The following STX8 variants were observed in gnomAD, a reference collection of about 807,000 sequenced individuals.
The protein encoded by STX8 is syntaxin 8, also known as syntaxin-8.
In STX8, 23 loss-of-function variants were observed where a neutral mutation model predicts 37.5. The ratio of observed to expected loss-of-function variants is 0.61; its 90% CI spans 0.44 to 0.87. STX8 has a LOEUF of 0.87. Among genes scored for constraint, STX8 ranks in the 40% least tolerant of loss-of-function variants. STX8 has a pLI of 0.00. For missense variants in STX8, 313 were observed against 284.7 expected (o/e 1.10, Z -0.71); for synonymous variants, 115 against 99.1 (o/e 1.16, Z -0.95).
At chr17:9,500,762 G>A (rs577460338) in intron 5 of STX8, among the ~76,000 whole-genome samples, 45 of 152,304 alleles carry the variant, frequency 3.0e-4, no homozygotes, top group African/African-American at 1.0e-3. Context: ...CAGCACTTTG[G>A]GAGGCCGAGG....
chr17:9,254,069 T>C (rs116881788), intron 7 of STX8, among the ~76,000 whole-genome samples: 32 of 152,238 alleles, frequency 2.1e-4, no homozygotes, highest in Non-Finnish European at 3.4e-4. Context: ...TCAGGTCACC[T>C]CCTTGCTTAA....
At chr17:9,258,640 C>T (rs932407197) in intron 7 of STX8, among the ~76,000 whole-genome samples, 3 of 152,214 alleles carry the variant, frequency 2.0e-5, no homozygotes, top group Non-Finnish European at 4.4e-5. Context: ...TAATTTCCGC[C>T]GAATAATGCT....
chr17:9,387,539 C>G (rs112214627), intron 6 of STX8, among the ~76,000 whole-genome samples: 2 of 152,146 alleles, frequency 1.3e-5, no homozygotes, highest in African/African-American at 4.8e-5. Context: ...ATGATCCGCC[C>G]GCCTTGGCCT....
intron 7 of STX8, among the ~76,000 whole-genome samples, chr17:9,310,176 C>CA (rs1159559886): frequency 6.6e-6 from 1 of 151,958 alleles, no homozygotes; most frequent in Non-Finnish European, 1.5e-5. Context: ...AACACACACA[C>CA]AAAAAAACAG....
chr17:9,347,644 G>T (rs974562549), intron 7 of STX8, among the ~76,000 whole-genome samples: 1 of 152,180 alleles, frequency 6.6e-6, no homozygotes, highest in Non-Finnish European at 1.5e-5. Context: ...AGCCTCCCAA[G>T]TAGCTGGGAT....
chr17:9,460,471 A>C (rs1168869429), intron 6 of STX8, among the ~76,000 whole-genome samples: 2 of 152,150 alleles, frequency 1.3e-5, no homozygotes, highest in East Asian at 3.9e-4. Flanking sequence ...TCAGGAATTC[A>C]AGACCAGCTT....
Position 9,284,588 on chromosome 17 carries a change from T to G in STX8, c.644-33943A>C, listed in dbSNP as rs557745333. 3.9e-5 allele frequency among the ~76,000 whole-genome samples: 6 copies of G among 152,302 alleles called. No homozygotes were observed. The South Asian group carries it at 1.2e-3, about 32-fold the overall frequency. On this transcript the variant is annotated intron_variant, in intron 7 of 7. Transcript: ENST00000306357. Reference sequence around the variant, plus strand: ...GAAGATATGAGCAATGACAGTTGTTTAAAAAATTTTTTTTCTTTAAAAGTG... The same window carrying G: ...GAAGATATGAGCAATGACAGTTGTTGAAAAAATTTTTTTTCTTTAAAAGTG...
intron 4 of STX8, among the ~76,000 whole-genome samples, chr17:9,533,140 A>T (rs984337529): frequency 6.6e-6 from 1 of 152,248 alleles, no homozygotes; most frequent in Admixed American, 6.5e-5. Context: ...AGAAGAAACC[A>T]GCTCTATGAA....
intron 7 of STX8, among the ~76,000 whole-genome samples, chr17:9,345,398 C>A (rs974896007): frequency 1.3e-5 from 2 of 152,162 alleles, no homozygotes; most frequent in Non-Finnish European, 2.9e-5. Context: ...GATCCGCCTG[C>A]CTCGGCCTCC....
rs141068639 is a variant in STX8 at position 9,254,162 on chromosome 17, C to T, written c.644-3517G>A. Among the ~76,000 whole-genome samples the T allele has an allele frequency of 3.9e-3, 600 of 152,282 alleles. 18 individuals carry two copies. The highest frequency in any genetic ancestry group is 0.031 in the Admixed American group (474 of 15,302). On this transcript the variant is annotated intron_variant, in intron 7 of 7. Transcript: ENST00000306357. ...CAGTCTGACCCAGCAACCCTGCAGC[C>T]GCACTCTGCGCGCTGTGTTTGAGCC...
chr17:9,558,365 G>C (rs994292659), intron 2 of STX8, among the ~76,000 whole-genome samples: 1 of 152,154 alleles, frequency 6.6e-6, no homozygotes, highest in African/African-American at 2.4e-5. Context: ...TCACACCAAG[G>C]AAAACCAGCC....
intron 5 of STX8, among the ~76,000 whole-genome samples, chr17:9,496,056 G>A (rs34758088): frequency 0.036 from 5,185 of 145,142 alleles, 124 homozygotes; most frequent in Non-Finnish European, 0.055. Context: ...ACCATACCAT[G>A]CAGTTTCTTT....
At chr17:9,406,208 C>T (rs538942223) in intron 6 of STX8, among the ~76,000 whole-genome samples, 1 of 152,306 alleles carries the variant, frequency 6.6e-6, no homozygotes, top group South Asian at 2.1e-4. Flanking sequence ...CTTGTAATGT[C>T]ATAACTTTAC....
intron 7 of STX8, among the ~76,000 whole-genome samples, chr17:9,302,284 GTTT>G (rs928598540): frequency 4.0e-5 from 6 of 151,514 alleles, no homozygotes; most frequent in African/African-American, 1.2e-4. Context: ...TGGTGGTTTT[GTTT>G]TTTTTCTTTT....
chr17:9,335,832 G>GACACAC (rs10701494), intron 7 of STX8, among the ~76,000 whole-genome samples: 5,389 of 147,130 alleles, frequency 0.037, 90 homozygotes, highest in African/African-American at 0.039. Context: ...CACACACGTA[G>GACACAC]ACACACACAC....
At chr17:9,327,296 A>AAGAAAGAAAGAAGAAGAAGGAAGAAGG (rs1909801245) in intron 7 of STX8, among the ~76,000 whole-genome samples, 2 of 136,206 alleles carry the variant, frequency 1.5e-5, no homozygotes, top group Non-Finnish European at 3.0e-5. Flanking sequence ...AAAGAAGAAG[A>AAGAAAGAAAGAAGAAGAAGGAAGAAGG]AGAAAGAAAG....
rs79870299 is a variant in STX8 at position 9,475,067 on chromosome 17, T to TA, written c.541+16761dup. ...GATTTCTATAGATACTATGACCTGGTAAAAAAATGCAAAAGAGAGAGACTT... is the reference window on the plus strand; with the variant it reads ...GATTTCTATAGATACTATGACCTGGTAAAAAAAATGCAAAAGAGAGAGACTT... On this transcript the variant is annotated intron_variant, in intron 6 of 7. Coordinates refer to ENST00000306357, the MANE Select transcript of STX8 (RefSeq NM_004853.3). Among the ~76,000 whole-genome samples, 468 of 152,102 alleles carry TA rather than the reference T, an allele frequency of 3.1e-3. 8 individuals carry two copies. The East Asian group carries it at 0.036, about 12-fold the overall frequency.
chr17:9,316,700 G>T (rs1256279418), intron 7 of STX8, among the ~76,000 whole-genome samples: 2 of 152,164 alleles, frequency 1.3e-5, no homozygotes, highest in African/African-American at 2.4e-5. Flanking sequence ...GGAGTTCCGT[G>T]ACCCATTTTA....
intron 7 of STX8, among the ~76,000 whole-genome samples, chr17:9,257,854 T>C (rs1443054825): frequency 6.6e-6 from 1 of 152,186 alleles, no homozygotes; most frequent in Non-Finnish European, 1.5e-5. Context: ...CCGGGCGTGA[T>C]GGCAGGTGCC....
Sources: gnomAD v4.1 joint callset for allele counts (sites outside exome capture counted in the v4.1 genomes callset) on GRCh38, gnomAD v4.1.1 for gene constraint, MANE v1.5 for transcripts, NCBI Gene and HGNC (gene_info 2026-07-23, HGNC 2026-07-21) for gene names.